NPAT: variants seen among roughly 807,000 people sequenced by gnomAD.
NPAT encodes nuclear protein, coactivator of histone transcription.
Under a neutral mutation model 130.7 loss-of-function variants are expected in NPAT, and 52 were observed. The ratio of observed to expected loss-of-function variants is 0.40; its 90% CI spans 0.32 to 0.50. NPAT has a LOEUF of 0.50. Ranked by LOEUF, NPAT falls within the 20% of genes least tolerant of loss-of-function variation. NPAT has a pLI of 0.68. For missense variants in NPAT, 1,687 were observed against 1,662.6 expected (o/e 1.01, Z -0.26); for synonymous variants, 580 against 584.8 (o/e 0.99, Z 0.12).
In NPAT at chr11:108,157,583, T is replaced by C. The variant is rs1262500611; in HGVS notation, c.*1359A>G. ...GACATGATTTCTACACTGAGAAATG[T>C]TGTGTTAAAGTTGGATGGATTTATT... On this transcript the variant is annotated 3_prime_UTR_variant, in exon 18 of 18. Transcript: ENST00000278612. 1 of 152,064 alleles carries C rather than the reference T, an allele frequency of 6.6e-6. No homozygotes were observed. The highest frequency in any genetic ancestry group is 2.4e-5 in the African/African-American group (1 of 41,432). 9.4% of individuals were successfully genotyped at this position (152,064 alleles called of 1,614,324 possible). A position where few individuals can be genotyped will look rare whatever the true frequency, so the allele number is the denominator to read the frequency against.
chr11:108,184,529 A>G (rs928761773), intron 10 of NPAT, among the ~76,000 whole-genome samples: 1 of 89,714 alleles, frequency 1.1e-5, no homozygotes, highest in Admixed American at 1.3e-4. Flanking sequence ...GATTCATTAC[A>G]TATTTTTTCT....
chr11:108,158,804 T>C lies in NPAT; in HGVS notation c.*138A>G, dbSNP rs2077819332. On this transcript the variant is annotated 3_prime_UTR_variant, in exon 18 of 18. Transcript: ENST00000278612. ...CTAGGAAGCTGTTTCAGAAACAGCA[T>C]GATTTAGATATAAAGTGAAGTTTCA... is the stretch of plus-strand genomic sequence containing the variant. 1.6e-6 allele frequency: 1 copy of C among 616,942 alleles called. No homozygotes were observed. 38.2% of individuals were successfully genotyped at this position (616,942 alleles called of 1,614,324 possible).
Position 108,157,494 on chromosome 11 carries a change from C to A in NPAT, c.*1448G>T, listed in dbSNP as rs2077807950. On this transcript the variant is annotated 3_prime_UTR_variant, in exon 18 of 18. Transcript: ENST00000278612. ...GATATTTAGTTCCTTAGGAATAGAC[C>A]ACTGCCACACCATACAAATTTCTTA... The A allele has an allele frequency of 6.6e-6, 1 of 151,874 alleles. No homozygotes were observed. The highest frequency in any genetic ancestry group is 1.5e-5 in the Non-Finnish European group (1 of 67,910). 9.4% of individuals were successfully genotyped at this position (151,874 alleles called of 1,614,324 possible). A position where few individuals can be genotyped will look rare whatever the true frequency, so the allele number is the denominator to read the frequency against.
At chr11:108,207,806 A>G (rs1195202805) in intron 1 of NPAT, among the ~76,000 whole-genome samples, 1 of 152,108 alleles carries the variant, frequency 6.6e-6, no homozygotes, top group Non-Finnish European at 1.5e-5. Flanking sequence ...TGCCCATCCA[A>G]CTTGGAAGGG....
At chr11:108,208,743 A>G (rs987000867) in intron 1 of NPAT, among the ~76,000 whole-genome samples, 1 of 152,250 alleles carries the variant, frequency 6.6e-6, no homozygotes, top group Non-Finnish European at 1.5e-5. Flanking sequence ...TCAGTAATAC[A>G]TAGAACAACT....
In NPAT at chr11:108,189,652, C is replaced by T. The variant is rs575754640; in HGVS notation, c.332-322G>A. 5.1e-3 allele frequency among the ~76,000 whole-genome samples: 757 copies of T among 148,926 alleles called. 9 individuals are homozygous for T. The highest frequency in any genetic ancestry group is 0.018 in the African/African-American group (716 of 40,516). ...TTGGGAGGCCGAGGCGGGCGGATCACGAGGTCAGGAGATCGAGACCATCCT... is the reference window on the plus strand; with the variant it reads ...TTGGGAGGCCGAGGCGGGCGGATCATGAGGTCAGGAGATCGAGACCATCCT... On this transcript the variant is annotated intron_variant, in intron 5 of 17. Coordinates refer to ENST00000278612, the MANE Select transcript of NPAT (RefSeq NM_002519.3).
intron 8 of NPAT, 35 bp from the exon 9 acceptor site, chr11:108,185,529 TA>T (rs2078099007): frequency 6.2e-6 from 8 of 1,297,098 alleles, no homozygotes; most frequent in Non-Finnish European, 8.9e-6. Context: ...AAAAGGACAA[TA>T]AAGAGTATTC....
At chr11:108,209,266 C>T (rs2078360049) in intron 1 of NPAT, among the ~76,000 whole-genome samples, 1 of 151,286 alleles carries the variant, frequency 6.6e-6, no homozygotes, top group African/African-American at 2.4e-5. Flanking sequence ...GGTGACAGGG[C>T]AAGACTCCAT....
intron 10 of NPAT, 44 bp downstream of exon 10, chr11:108,185,182 TTAAGTA>T (rs780529293): frequency 9.7e-6 from 12 of 1,233,060 alleles, no homozygotes; most frequent in Middle Eastern, 3.7e-4. Flanking sequence ...ACCATCAATC[TTAAGTA>T]TAAGTAACAC....
chr11:108,194,012 TA>T lies in NPAT; in HGVS notation c.161del (p.Leu54TyrfsTer6). On this transcript the variant is annotated frameshift_variant, in exon 3 of 18. Coordinates refer to ENST00000278612, the MANE Select transcript of NPAT (RefSeq NM_002519.3). LOFTEE classifies it high-confidence loss of function. ...EGFIPACLLSLFGKNLTTILN... is the reference protein window; with the variant it reads ...EGFIPACLLSXFGKNLTTILN... ...AAATTGTTGTCAAGTTTTTTCCAAA[TA>T]AGGACTGAAAAGAAAAAGATCAAAT... The T allele has an allele frequency of 6.6e-7, 1 of 1,508,304 alleles. No homozygotes were observed. The highest frequency in any genetic ancestry group is 9.2e-7 in the Non-Finnish European group (1 of 1,085,094). 93.4% of individuals were successfully genotyped at this position (1,508,304 alleles called of 1,614,324 possible).
intron 15 of NPAT, 113 bp from the exon 16 acceptor site, chr11:108,162,293 T>G: frequency 1.2e-6 from 1 of 863,586 alleles, no homozygotes; most frequent in Non-Finnish European, 1.9e-6. Flanking sequence ...GTAGCTAATG[T>G]ACACACAAAT....
intron 11 of NPAT, 54 bp from the exon 12 acceptor site, chr11:108,176,428 T>C: frequency 8.0e-7 from 1 of 1,253,752 alleles, no homozygotes; most frequent in Non-Finnish European, 1.2e-6. Context: ...AAAATAAACA[T>C]CAATGAATAC....
At chr11:108,214,356 C>T (rs1214856732) in intron 1 of NPAT, among the ~76,000 whole-genome samples, 1 of 152,040 alleles carries the variant, frequency 6.6e-6, no homozygotes, top group Non-Finnish European at 1.5e-5. Context: ...ACACAAAAAG[C>T]GAAATATTCT....
rs570975670 is a variant in NPAT, at chr11:108,203,308, G to A, written c.38-5888C>T. Among the ~76,000 whole-genome samples, 4 of 152,214 alleles carry A rather than the reference G, an allele frequency of 2.6e-5. No homozygotes were observed. The South Asian group carries it at 8.3e-4, about 32-fold the overall frequency. ...AAACAACTGTCAGAGGCCCAATTCT[G>A]TGAACTAGGGCCATCTCTATTCAAC... On this transcript the variant is annotated intron_variant, in intron 1 of 17. Coordinates refer to ENST00000278612, the MANE Select transcript of NPAT (RefSeq NM_002519.3).
chr11:108,216,756 A>T (rs555507889), intron 1 of NPAT, among the ~76,000 whole-genome samples: 2 of 152,166 alleles, frequency 1.3e-5, no homozygotes, highest in South Asian at 4.1e-4. Flanking sequence ...CTCTATAATA[A>T]GTGTTTAAGT....
chr11:108,187,333 T>G (rs997737670), intron 7 of NPAT, among the ~76,000 whole-genome samples: 3 of 152,168 alleles, frequency 2.0e-5, no homozygotes, highest in African/African-American at 7.2e-5. Context: ...GTGCCTGTGC[T>G]GCTGGCTACT....
At chr11:108,209,960 G>T (rs563993731) in intron 1 of NPAT, among the ~76,000 whole-genome samples, 32 of 143,992 alleles carry the variant, frequency 2.2e-4, no homozygotes, top group African/African-American at 7.3e-4. Context: ...AAAGAGCAAA[G>T]CAGAAGGAAA....
At chr11:108,170,865 C>A (rs957504176) in intron 13 of NPAT, among the ~76,000 whole-genome samples, 5 of 152,244 alleles carry the variant, frequency 3.3e-5, no homozygotes, top group Admixed American at 6.5e-5. Context: ...TAATTTGTAA[C>A]AGCACGTAAA....
chr11:108,179,983 G>A (rs2078044597), intron 10 of NPAT, among the ~76,000 whole-genome samples: 1 of 152,072 alleles, frequency 6.6e-6, no homozygotes, highest in South Asian at 2.1e-4. Context: ...TATGGGATGG[G>A]AGAAAATGTT....
Sources: allele counts gnomAD v4.1 joint callset (sites outside exome capture counted in the v4.1 genomes callset), GRCh38; gene constraint gnomAD v4.1.1; transcripts MANE v1.5; gene names NCBI Gene and HGNC (gene_info 2026-07-23, HGNC 2026-07-21).